TMA16: variants seen among roughly 807,000 people sequenced by gnomAD.
TMA16 encodes translation machinery associated 16 homolog.
A neutral mutation model predicts 27.1 loss-of-function variants in TMA16; 26 were observed. The observed-to-expected ratio is 0.96, with a 90% CI of 0.70 to 1.33. TMA16 has a LOEUF of 1.33. TMA16 is among the 40% of genes most tolerant of loss of function. The pLI, the probability that TMA16 is intolerant of heterozygous loss-of-function variation, is 0.00. For synonymous variants in TMA16, 71 were observed against 81.9 expected (o/e 0.87, Z 0.72); for missense variants, 233 against 241.4 (o/e 0.97, Z 0.23).
rs1298261110 is a variant in TMA16, at chr4:163,507,262, G to T, written c.116+117G>T. ...TCCCTTTCATAAATATTTATTAAGT[G>T]TGTTCTGTATGCAGAGGGTGAAACT... On this transcript the variant is annotated intron_variant, in intron 2 of 6. Coordinates refer to ENST00000358572, the MANE Select transcript of TMA16 (RefSeq NM_018352.3). The T allele has an allele frequency of 5.3e-6, 5 of 938,804 alleles. No individual in the cohort carries two copies. The African/African-American group carries it at 8.3e-5, about 16-fold the overall frequency. 58.2% of individuals were successfully genotyped at this position (938,804 alleles called of 1,614,324 possible). A position where few individuals can be genotyped will look rare whatever the true frequency, so the allele number is the denominator to read the frequency against.
rs1049808678 is a variant in TMA16 at position 163,520,465 on chromosome 4, C to T, written c.*951C>T. 1.3e-5 allele frequency: 2 copies of T among 151,384 alleles called. No individual in the cohort carries two copies. Among genetic ancestry groups the T allele is most frequent in the African/African-American group, 4.9e-5 (2 of 41,168 alleles). The allele number at this position is 151,384 out of a possible 1,614,324, so 9.4% of individuals were successfully genotyped here. On this transcript the variant is annotated 3_prime_UTR_variant, in exon 7 of 7. Transcript: ENST00000358572. ...TTAGGTTAACTGGATATCAACTAAG[C>T]CTTGTTAACAGTTAAAGTATTATAA...
intron 1 of TMA16, among the ~76,000 whole-genome samples, chr4:163,495,709 G>A (rs529052528): frequency 2.0e-5 from 3 of 152,082 alleles, no homozygotes; most frequent in Non-Finnish European, 4.4e-5. Flanking sequence ...TGTCCACAAT[G>A]TGGCCTCTTT....
At position 163,515,413 on chromosome 4, in the gene TMA16, A is replaced by T. The variant is rs1289293234; in HGVS notation, c.340A>T (p.Lys114Ter). Reference sequence around the variant, plus strand: ...GCACTGTTCCCGGGAGACCGTCATCAAGCAGACGATGGAGCGGGAGCGACA... The same window carrying T: ...GCACTGTTCCCGGGAGACCGTCATCTAGCAGACGATGGAGCGGGAGCGACA... Reference protein sequence around the residue: ...RRHCSRETVIKQTMERERQQF... With the variant: ...RRHCSRETVI Residue 114 changes from lysine to a stop codon, truncating the protein, a stop_gained, in exon 5 of 7, where the codon AAG becomes TAG. Coordinates refer to ENST00000358572, the MANE Select transcript of TMA16 (RefSeq NM_018352.3). LOFTEE classifies it high-confidence loss of function. 2 of 1,614,004 alleles carry T rather than the reference A, an allele frequency of 1.2e-6. No individual in the cohort carries two copies. The highest frequency in any genetic ancestry group is 1.7e-6 in the Non-Finnish European group (2 of 1,180,002).
chr4:163,515,295 C>A lies in TMA16; in HGVS notation c.240-18C>A. ...CATATACTTTGTATGTAACACAAAT[C>A]ATTTTCGTATTTTTCAGGTACTTAA... is the stretch of plus-strand genomic sequence containing the variant. On this transcript the variant is annotated intron_variant, in intron 4 of 6. Transcript: ENST00000358572. 6 of 1,598,436 alleles carry A rather than the reference C, an allele frequency of 3.8e-6. No homozygotes were observed. The highest frequency in any genetic ancestry group is 1.1e-5 in the South Asian group (1 of 88,050).
chr4:163,519,657 T>A lies in TMA16; in HGVS notation c.*143T>A. The A allele has an allele frequency of 1.3e-6, 1 of 793,264 alleles. No individual in the cohort carries two copies. Among genetic ancestry groups the A allele is most frequent in the East Asian group, 3.1e-5 (1 of 32,544 alleles). 49.1% of individuals were successfully genotyped at this position (793,264 alleles called of 1,614,324 possible). A position where few individuals can be genotyped will look rare whatever the true frequency, so the allele number is the denominator to read the frequency against. On this transcript the variant is annotated 3_prime_UTR_variant, in exon 7 of 7. Coordinates refer to ENST00000358572, the MANE Select transcript of TMA16 (RefSeq NM_018352.3). ...AGTTTCATTTGCGTTTCAAAAATGG[T>A]GTTATGATACTTATTTTAAAATGAA...
In TMA16 at chr4:163,519,358, A is replaced by G. The variant is rs752050523; in HGVS notation, c.456A>G (p.Lys152=). Residue 152 remains lysine, a synonymous_variant, in exon 7 of 7, where the codon AAA becomes AAG. Coordinates refer to ENST00000358572, the MANE Select transcript of TMA16 (RefSeq NM_018352.3). ...TFREWDFDLK[K]LPNIKMRKIC... The stretch of plus-strand genomic sequence containing the variant: ...GGGAATGGGACTTTGATCTGAAGAA[A>G]TTACCAAACATTAAAATGAGAAAAA... 12 of 1,595,864 alleles carry G rather than the reference A, an allele frequency of 7.5e-6. 2 individuals are homozygous for G. In the South Asian group the frequency reaches 1.1e-4, roughly 15 times the overall value.
intron 1 of TMA16, among the ~76,000 whole-genome samples, chr4:163,498,062 T>A (rs1445760110): frequency 6.6e-5 from 10 of 152,308 alleles, no homozygotes; most frequent in African/African-American, 2.4e-4. Context: ...ATCTTATAGA[T>A]CTATGTAAGT....
intron 1 of TMA16, 180 bp downstream of exon 1, chr4:163,494,984 A>C: frequency 1.2e-6 from 1 of 868,964 alleles, no homozygotes; most frequent in Non-Finnish European, 1.7e-6. Flanking sequence ...CCCAGGCCCA[A>C]CGCCTGGACC....
At chr4:163,515,588 T>C (rs1737864687) in intron 5 of TMA16, 127 bp downstream of exon 5, 5 of 1,274,678 alleles carry the variant, frequency 3.9e-6, no homozygotes, top group Non-Finnish European at 5.3e-6. Flanking sequence ...GTCTTTTTCT[T>C]TGTGAGGGTT....
rs138255926 is a variant in TMA16 at position 163,506,149 on chromosome 4, T to G, written c.4-884T>G. 3.4e-4 allele frequency among the ~76,000 whole-genome samples: 52 copies of G among 152,310 alleles called. No individual in the cohort carries two copies. In the East Asian group the frequency reaches 9.8e-3, roughly 29 times the overall value. ...GGGGATGTACCTTCAGATTTTTCTT[T>G]TCCTACTTCATACTGGCTTGAGTGT... On this transcript the variant is annotated intron_variant, in intron 1 of 6. Transcript: ENST00000358572.
At position 163,520,069 on chromosome 4, in the gene TMA16, G is replaced by GA. The variant is rs538719453; in HGVS notation, c.*563dup. On this transcript the variant is annotated 3_prime_UTR_variant, in exon 7 of 7. Coordinates refer to ENST00000358572, the MANE Select transcript of TMA16 (RefSeq NM_018352.3). The stretch of plus-strand genomic sequence containing the variant: ...TTTGAACCAGAGCTAAATGGTAAAA[G>GA]AAAAAAAATCAGTGATGATTGTTAT... 1,481 of 569,016 alleles carry GA rather than the reference G, an allele frequency of 2.6e-3. 8 individuals are homozygous for GA. Among genetic ancestry groups the GA allele is most frequent in the Non-Finnish European group, 3.9e-3 (1,230 of 317,298 alleles). 35.2% of individuals were successfully genotyped at this position (569,016 alleles called of 1,614,324 possible).
chr4:163,494,812 C>G lies in TMA16; in HGVS notation c.3+8C>G. ...CACGAGGACGTCACCATGGTGGGCC[C>G]CCTCCTGCTCCCCCGAACCGCTCGG... On this transcript the variant is annotated splice_region_variant and intron_variant, in intron 1 of 6. Transcript: ENST00000358572. The G allele has an allele frequency of 6.2e-7, 1 of 1,611,832 alleles. No homozygotes were observed. Among genetic ancestry groups the G allele is most frequent in the South Asian group, 1.1e-5 (1 of 91,076 alleles).
chr4:163,518,546 CAT>C (rs748679962), intron 6 of TMA16, among the ~76,000 whole-genome samples: 91 of 152,086 alleles, frequency 6.0e-4, no homozygotes, highest in Admixed American at 2.6e-4. Flanking sequence ...AGTTTTTAAA[CAT>C]AGATTTTTAT....
chr4:163,495,056 G>A (rs564391997), intron 1 of TMA16, among the ~76,000 whole-genome samples: 1 of 151,370 alleles, frequency 6.6e-6, no homozygotes, highest in African/African-American at 2.4e-5. Flanking sequence ...TTTGCCTTGT[G>A]CCTAACTTCT....
chr4:163,496,875 C>T (rs1424865593), intron 1 of TMA16, among the ~76,000 whole-genome samples: 1 of 148,666 alleles, frequency 6.7e-6, no homozygotes, highest in East Asian at 2.0e-4. Flanking sequence ...TGGTCTCGAA[C>T]TCCTGACCTC....
At chr4:163,502,182 T>C (rs1737659310) in intron 1 of TMA16, among the ~76,000 whole-genome samples, 1 of 152,294 alleles carries the variant, frequency 6.6e-6, no homozygotes, top group East Asian at 1.9e-4. Flanking sequence ...AGCTAGATAT[T>C]AGAATCTAAA....
chr4:163,496,899 G>A (rs111509659), intron 1 of TMA16, among the ~76,000 whole-genome samples: 2,559 of 152,202 alleles, frequency 0.017, 65 homozygotes, highest in African/African-American at 0.057. Flanking sequence ...TGATCCACCC[G>A]CCTTGGCCTC....
intron 2 of TMA16, among the ~76,000 whole-genome samples, chr4:163,509,649 A>G (rs1381756364): frequency 6.6e-6 from 1 of 152,226 alleles, no homozygotes; most frequent in Non-Finnish European, 1.5e-5. Context: ...AGGAGTGGAT[A>G]ACAATGCTAG....
At position 163,515,385 on chromosome 4, in the gene TMA16, G is replaced by A; in HGVS notation, c.312G>A (p.Arg104=). The change falls in exon 5 of 7, where the codon AGG becomes AGA. Residue 104 remains arginine, a synonymous_variant. Coordinates refer to ENST00000358572, the MANE Select transcript of TMA16 (RefSeq NM_018352.3). ...ACAGTATCAGGGACAGGCAGGGGAG[G>A]CGGCACTGTTCCCGGGAGACCGTCA... ...LHNSIRDRQG[R]RHCSRETVIK... is the part of the protein sequence containing the mutation. The A allele has an allele frequency of 6.2e-7, 1 of 1,614,066 alleles. No homozygotes were observed. The highest frequency in any genetic ancestry group is 8.5e-7 in the Non-Finnish European group (1 of 1,179,992).
Sources: gnomAD v4.1 joint callset for allele counts (sites outside exome capture counted in the v4.1 genomes callset) on GRCh38, gnomAD v4.1.1 for gene constraint, MANE v1.5 for transcripts, NCBI Gene and HGNC (gene_info 2026-07-23, HGNC 2026-07-21) for gene names.